The following DLGAP2 variants were observed in gnomAD, a reference collection of about 807,000 sequenced individuals.
The protein encoded by DLGAP2 is DLG associated protein 2, also known as disks large-associated protein 2.
DLGAP2 carries 26 observed loss-of-function variants against 100.3 expected under a neutral mutation model. The observed-to-expected ratio is 0.26, with a 90% CI of 0.19 to 0.36. The LOEUF is 0.36. Among genes scored for constraint, DLGAP2 ranks in the 10% least tolerant of loss-of-function variants. The pLI is 1.00. For missense variants in DLGAP2, 1,858 were observed against 1,453.2 expected (o/e 1.28, Z -4.53); for synonymous variants, 886 against 630.1 (o/e 1.41, Z -6.08).
intron 2 of DLGAP2, among the ~76,000 whole-genome samples, chr8:1,088,013 A>G (rs1459079996): frequency 6.6e-6 from 1 of 152,224 alleles, no homozygotes; most frequent in African/African-American, 2.4e-5. Flanking sequence ...TCACTGCGTC[A>G]CAGCTCTGGG....
chr8:781,100 G>C (rs60197175), intron 1 of DLGAP2, among the ~76,000 whole-genome samples: 1 of 151,904 alleles, frequency 6.6e-6, no homozygotes, highest in Non-Finnish European at 1.5e-5. Context: ...TTTTATTATT[G>C]ACTGATCTTT....
chr8:783,075 C>T (rs1821742698), intron 1 of DLGAP2, among the ~76,000 whole-genome samples: 1 of 152,186 alleles, frequency 6.6e-6, no homozygotes, highest in Non-Finnish European at 1.5e-5. Context: ...AAAGATTCTG[C>T]CTTTTCTAGG....
chr8:1,274,452 A>G lies in DLGAP2; in HGVS notation c.106+15569A>G, dbSNP rs373247792. 1.2e-3 allele frequency among the ~76,000 whole-genome samples: 177 copies of G among 149,058 alleles called. 3 individuals carry two copies. The South Asian group carries it at 0.027, about 22-fold the overall frequency. ...GTTTTAGAACATAAACCATAAAATG[A>G]GTGACTTTGGATTTATTTTAGAACA... On this transcript the variant is annotated intron_variant, in intron 3 of 14. Coordinates refer to ENST00000637795, the MANE Select transcript of DLGAP2 (RefSeq NM_001346810.2).
intron 8 of DLGAP2, among the ~76,000 whole-genome samples, chr8:1,650,462 C>G (rs960316811): frequency 1.3e-5 from 2 of 152,214 alleles, no homozygotes; most frequent in Admixed American, 6.5e-5. Flanking sequence ...CAGGAGTGGT[C>G]TCTCACACGC....
At chr8:754,859 CAAGT>C (rs952179544) in intron 1 of DLGAP2, among the ~76,000 whole-genome samples, 4 of 151,892 alleles carry the variant, frequency 2.6e-5, no homozygotes, top group Admixed American at 6.6e-5. Flanking sequence ...AGAAAAAAAG[CAAGT>C]AAGGAAGCAA....
chr8:1,285,839 C>G (rs532054555), intron 3 of DLGAP2, among the ~76,000 whole-genome samples: 5 of 152,132 alleles, frequency 3.3e-5, no homozygotes, highest in Non-Finnish European at 5.9e-5. Context: ...CGTAGTGGCA[C>G]ACACCTGCAA....
intron 3 of DLGAP2, among the ~76,000 whole-genome samples, chr8:1,387,922 G>A (rs953450261): frequency 2.0e-5 from 3 of 152,238 alleles, no homozygotes; most frequent in South Asian, 2.1e-4. Flanking sequence ...GGGGTCTGGA[G>A]CCCCACAGTT....
intron 2 of DLGAP2, among the ~76,000 whole-genome samples, chr8:1,101,273 CAG>C (rs1804569678): frequency 6.6e-6 from 1 of 152,220 alleles, no homozygotes; most frequent in Non-Finnish European, 1.5e-5. Context: ...CTCACCAACA[CAG>C]GGTGGGGGGC....
intron 2 of DLGAP2, among the ~76,000 whole-genome samples, chr8:1,145,816 A>C (rs112281651): frequency 4.7e-5 from 6 of 126,740 alleles, no homozygotes; most frequent in South Asian, 2.7e-4. Context: ...TCCTGTGTCC[A>C]TGTGTTCTCA....
rs554512385 is a variant in DLGAP2, at chr8:850,991, T to G, written c.19-56921T>G. ...AGAGGCCATGTACAGAGCTATGTGA[T>G]GAACAAGTAGAGACGCAGCAAAAGA... On this transcript the variant is annotated intron_variant, in intron 1 of 14. Coordinates refer to ENST00000637795, the MANE Select transcript of DLGAP2 (RefSeq NM_001346810.2). Among the ~76,000 whole-genome samples the G allele has an allele frequency of 5.9e-5, 9 of 152,314 alleles. No individual in the cohort carries two copies. The East Asian group carries it at 1.7e-3, about 29-fold the overall frequency.
chr8:910,524 A>G (rs1397825955), intron 2 of DLGAP2: 1 of 152,210 alleles, frequency 6.6e-6, no homozygotes, highest in East Asian at 1.9e-4. Context: ...TGAAGGCACA[A>G]ACGTGAATAC....
At chr8:1,167,996 G>A (rs1480169982) in intron 2 of DLGAP2, among the ~76,000 whole-genome samples, 1 of 150,974 alleles carries the variant, frequency 6.6e-6, no homozygotes, top group African/African-American at 2.4e-5. Flanking sequence ...TCGTCATCTA[G>A]CATTAGGTAT....
chr8:1,319,532 C>A (rs1242281134), intron 3 of DLGAP2, among the ~76,000 whole-genome samples: 1 of 152,276 alleles, frequency 6.6e-6, no homozygotes, highest in East Asian at 1.9e-4. Context: ...TATGGGAATA[C>A]AGCATGAGTT....
intron 1 of DLGAP2, among the ~76,000 whole-genome samples, chr8:825,206 A>G (rs1796664069): frequency 1.3e-5 from 2 of 152,176 alleles, no homozygotes; most frequent in South Asian, 4.1e-4. Context: ...CAGGATACAT[A>G]CATGCCCTGG....
At chr8:762,844 G>C (rs2132592897) in intron 1 of DLGAP2, among the ~76,000 whole-genome samples, 1 of 152,114 alleles carries the variant, frequency 6.6e-6, no homozygotes, top group South Asian at 2.1e-4. Context: ...CACCAGGCTA[G>C]CTTTTGAATT....
intron 2 of DLGAP2, among the ~76,000 whole-genome samples, chr8:979,697 A>G (rs549357450): frequency 2.0e-4 from 31 of 152,332 alleles, no homozygotes; most frequent in Non-Finnish European, 4.0e-4. Context: ...AAGCATGGCT[A>G]TCCACCCAAA....
At chr8:1,098,189 C>T (rs1408039903) in intron 2 of DLGAP2, among the ~76,000 whole-genome samples, 1 of 152,232 alleles carries the variant, frequency 6.6e-6, no homozygotes, top group Non-Finnish European at 1.5e-5. Flanking sequence ...GGACTGAGTC[C>T]CGGCGTCCTC....
At chr8:944,573 A>G (rs541283794) in intron 2 of DLGAP2, among the ~76,000 whole-genome samples, 27 of 150,864 alleles carry the variant, frequency 1.8e-4, no homozygotes, top group African/African-American at 6.6e-4. Flanking sequence ...GTGGGTGGTA[A>G]CATCCCTGCA....
chr8:1,666,105 C>G lies in DLGAP2; in HGVS notation c.1811-2224C>G, dbSNP rs144838980. 2.6e-3 allele frequency among the ~76,000 whole-genome samples: 393 copies of G among 152,354 alleles called. 2 individuals carry two copies. The highest frequency in any genetic ancestry group is 9.2e-3 in the African/African-American group (381 of 41,588). On this transcript the variant is annotated intron_variant, in intron 8 of 14. Transcript: ENST00000637795. The stretch of plus-strand genomic sequence containing the variant: ...GAAATATTTCCTAACCCAGGTCTCT[C>G]CCCGGCACTACTGGCCTTTGGGATG...
Sources: allele counts gnomAD v4.1 joint callset (sites outside exome capture counted in the v4.1 genomes callset), GRCh38; gene constraint gnomAD v4.1.1; transcripts MANE v1.5; gene names NCBI Gene and HGNC (gene_info 2026-07-23, HGNC 2026-07-21).